Variants in TUSC3 observed in about 807,000 individuals in gnomAD.
The protein encoded by TUSC3 is tumor suppressor candidate 3, also known as dolichyl-diphosphooligosaccharide--protein glycosyltransferase subunit TUSC3.
A neutral mutation model predicts 44.8 loss-of-function variants in TUSC3; 45 were observed. The observed-to-expected ratio is 1.00, with a 90% confidence interval of 0.79 to 1.29. The LOEUF is 1.29. Among genes scored for constraint, TUSC3 ranks in the 50% most tolerant of loss-of-function variants. The pLI, the probability that TUSC3 is intolerant of heterozygous loss-of-function variation, is 0.00. For synonymous variants in TUSC3, 212 were observed against 152.9 expected, an observed-to-expected ratio of 1.39 and a Z score of -2.85; for missense variants, 519 against 437.9, an observed-to-expected ratio of 1.19 and a Z score of -1.65.
At chr8:15,796,187 T>C in the TUSC3 span, among the ~76,000 whole-genome samples, 1 of 152,166 alleles carries the variant, frequency 6.6e-6, no homozygotes, top group East Asian at 1.9e-4. Flanking sequence ...GATACAATGA[T>C]GGATTCAGGC....
At chr8:15,520,542 C>T (rs1319898166) in intron 2 of TUSC3, among the ~76,000 whole-genome samples, 1 of 152,162 alleles carries the variant, frequency 6.6e-6, no homozygotes, top group African/African-American at 2.4e-5. Context: ...CTATAACATG[C>T]CTTGAAACAT....
the TUSC3 span, among the ~76,000 whole-genome samples, chr8:15,837,303 T>A: frequency 3.9e-5 from 6 of 152,234 alleles, no homozygotes; most frequent in African/African-American, 1.4e-4. Context: ...TTCCAAACTG[T>A]AAATTGAAGC....
At position 15,765,387 on chromosome 8, in the gene TUSC3, A is replaced by C. The variant is rs375838696; in HGVS notation, c.*1231A>C. 2.0e-4 allele frequency: 31 copies of C among 152,060 alleles called. No homozygotes were observed. Among genetic ancestry groups the C allele is most frequent in the African/African-American group, 7.0e-4 (29 of 41,530 alleles). 9.4% of individuals were successfully genotyped at this position (152,060 alleles called of 1,614,324 possible). A position where few individuals can be genotyped will look rare whatever the true frequency, so the allele number is the denominator to read the frequency against. ...TTTTGTTTTTAAGGTTTGTTATCTA[A>C]TTTTCATTAAGATTTGAGTAACAGA... On this transcript the variant is annotated 3_prime_UTR_variant, in exon 11 of 11. Coordinates refer to ENST00000503731, the MANE Select transcript of TUSC3 (RefSeq NM_006765.4).
At chr8:15,851,481 T>G in the TUSC3 span, among the ~76,000 whole-genome samples, 1 of 152,104 alleles carries the variant, frequency 6.6e-6, no homozygotes, top group African/African-American at 2.4e-5. Flanking sequence ...CTCACACATA[T>G]AGAGAAAACT....
At chr8:15,556,681 T>C (rs1005888256) in intron 1 of TUSC3, among the ~76,000 whole-genome samples, 1 of 146,826 alleles carries the variant, frequency 6.8e-6, no homozygotes, top group Non-Finnish European at 1.5e-5. Flanking sequence ...TCCTGACTTT[T>C]TAATGATTGC....
chr8:15,695,076 C>T (rs186605891), intron 6 of TUSC3, among the ~76,000 whole-genome samples: 1 of 152,166 alleles, frequency 6.6e-6, no homozygotes, highest in Non-Finnish European at 1.5e-5. Context: ...GGCAGCGCAG[C>T]GTTTGCGGAG....
At chr8:15,838,486 G>C in the TUSC3 span, among the ~76,000 whole-genome samples, 1 of 152,070 alleles carries the variant, frequency 6.6e-6, no homozygotes, top group Non-Finnish European at 1.5e-5. Context: ...GAGTGATAAA[G>C]TCTCCACGTT....
rs147193505 is a variant in TUSC3, at chr8:15,549,859, A to G, written c.138+9291A>G. On this transcript the variant is annotated intron_variant, in intron 1 of 10. Coordinates refer to ENST00000503731, the MANE Select transcript of TUSC3 (RefSeq NM_006765.4). ...GATGGTGTAGCAGGACGAGCCGCAGACAAGAACCCCTCAGACACTGAATTG... is the reference window on the plus strand; with the variant it reads ...GATGGTGTAGCAGGACGAGCCGCAGGCAAGAACCCCTCAGACACTGAATTG... 3.1e-3 allele frequency among the ~76,000 whole-genome samples: 472 copies of G among 151,808 alleles called. 3 individuals carry two copies. Among genetic ancestry groups the G allele is most frequent in the African/African-American group, 0.011 (461 of 41,508 alleles).
the TUSC3 span, among the ~76,000 whole-genome samples, chr8:15,831,905 C>A: frequency 6.6e-6 from 1 of 152,132 alleles, no homozygotes; most frequent in African/African-American, 2.4e-5. Flanking sequence ...CCCAACCTAG[C>A]TAGACAGGCC....
chr8:15,563,427 G>T (rs1051811487), intron 1 of TUSC3, among the ~76,000 whole-genome samples: 1 of 151,976 alleles, frequency 6.6e-6, no homozygotes, highest in African/African-American at 2.4e-5. Flanking sequence ...TCAAGAACAA[G>T]CTGGAATCCC....
chr8:15,450,933 C>T (rs1585050608), intron 1 of TUSC3, among the ~76,000 whole-genome samples: 1 of 152,162 alleles, frequency 6.6e-6, no homozygotes, highest in African/African-American at 2.4e-5. Context: ...GTCTGAGCAG[C>T]TTGCCTAGCT....
At chr8:15,761,528 C>G (rs1399384231) in intron 10 of TUSC3, among the ~76,000 whole-genome samples, 1 of 152,176 alleles carries the variant, frequency 6.6e-6, no homozygotes, top group African/African-American at 2.4e-5. Flanking sequence ...CTATTACTAT[C>G]TCAGTTACAG....
intron 9 of TUSC3, among the ~76,000 whole-genome samples, chr8:15,750,590 A>G (rs1039610506): frequency 2.6e-5 from 4 of 151,546 alleles, no homozygotes; most frequent in Non-Finnish European, 5.9e-5. Context: ...CTCTGGGGTT[A>G]TGTTGTTGTT....
At chr8:15,724,397 A>C (rs1216667246) in intron 6 of TUSC3, among the ~76,000 whole-genome samples, 1 of 152,178 alleles carries the variant, frequency 6.6e-6, no homozygotes, top group African/African-American at 2.4e-5. Flanking sequence ...ATTGATCAGG[A>C]AAACTAGGGC....
intron 2 of TUSC3, among the ~76,000 whole-genome samples, chr8:15,637,914 T>C (rs929899538): frequency 1.3e-5 from 2 of 152,160 alleles, no homozygotes; most frequent in African/African-American, 4.8e-5. Flanking sequence ...GGTCCCTTAA[T>C]TTTCATGACC....
At chr8:15,500,649 C>G (rs140536490) in intron 2 of TUSC3, among the ~76,000 whole-genome samples, 139 of 152,234 alleles carry the variant, frequency 9.1e-4, no homozygotes, top group African/African-American at 3.3e-3. Context: ...TTTAAATTCC[C>G]CTTTTAAAAC....
chr8:15,611,189 C>T (rs1452335334), intron 1 of TUSC3, among the ~76,000 whole-genome samples: 2 of 151,852 alleles, frequency 1.3e-5, no homozygotes, highest in African/African-American at 4.8e-5. Context: ...TTTGTTGTTG[C>T]TGTTGTTGTT....
At chr8:15,787,789 G>C in the TUSC3 span, among the ~76,000 whole-genome samples, 1 of 152,114 alleles carries the variant, frequency 6.6e-6, no homozygotes, top group Non-Finnish European at 1.5e-5. Context: ...GCTTCCCAGA[G>C]GTGATATTAA....
chr8:15,635,341 C>T (rs1018024968), intron 2 of TUSC3, among the ~76,000 whole-genome samples: 4 of 152,122 alleles, frequency 2.6e-5, no homozygotes, highest in African/African-American at 9.7e-5. Flanking sequence ...AGTCGAGTCA[C>T]ACATATTTTC....
Sources: allele counts gnomAD v4.1 joint callset (sites outside exome capture counted in the v4.1 genomes callset), GRCh38; gene constraint gnomAD v4.1.1; transcripts MANE v1.5; gene names NCBI Gene and HGNC (gene_info 2026-07-23, HGNC 2026-07-21).